Variants in HEMK2 observed in about 807,000 individuals in gnomAD.
The protein encoded by HEMK2 is methyltransferase HEMK2.
chr21:28,628,343 C>T, the HEMK2 span, among the ~76,000 whole-genome samples: 2 of 152,088 alleles, frequency 1.3e-5, no homozygotes, highest in Non-Finnish European at 2.9e-5. Flanking sequence ...TTGATCTTTG[C>T]AACCACTATG....
the HEMK2 span, among the ~76,000 whole-genome samples, chr21:28,811,305 A>G: frequency 9.7e-5 from 13 of 134,702 alleles, no homozygotes; most frequent in East Asian, 5.1e-4. Context: ...AAGGGAAGGG[A>G]AGGGGAGGGG....
chr21:28,753,273 C>T, the HEMK2 span, among the ~76,000 whole-genome samples: 2 of 151,640 alleles, frequency 1.3e-5, no homozygotes, highest in South Asian at 4.2e-4. Flanking sequence ...AGGAGAATCG[C>T]TCAAACCCAG....
the HEMK2 span, among the ~76,000 whole-genome samples, chr21:28,612,035 A>G: frequency 6.6e-6 from 1 of 152,222 alleles, no homozygotes; most frequent in Admixed American, 6.5e-5. Context: ...CACTATTCCA[A>G]AAGATAGTGA....
the HEMK2 span, among the ~76,000 whole-genome samples, chr21:28,702,973 A>C: frequency 6.6e-6 from 1 of 152,180 alleles, no homozygotes; most frequent in African/African-American, 2.4e-5. Context: ...GGAATACTAC[A>C]CAGCCATAAA....
At chr21:28,737,471 T>C in the HEMK2 span, among the ~76,000 whole-genome samples, 1 of 152,170 alleles carries the variant, frequency 6.6e-6, no homozygotes, top group African/African-American at 2.4e-5. Flanking sequence ...TTTGAGGCTT[T>C]AGAGGCAGAG....
chr21:28,647,553 C>T, the HEMK2 span, among the ~76,000 whole-genome samples: 52 of 150,162 alleles, frequency 3.5e-4, no homozygotes, highest in African/African-American at 1.2e-3. Flanking sequence ...TGGGGGAATT[C>T]TGAGGGGCCA....
At chr21:28,783,833 CG>C in the HEMK2 span, among the ~76,000 whole-genome samples, 1 of 152,186 alleles carries the variant, frequency 6.6e-6, no homozygotes, top group Non-Finnish European at 1.5e-5. Context: ...ATGGGCTTGG[CG>C]GGCCCTGCAC....
At chr21:28,848,674 GATAAAACT>G in the HEMK2 span, among the ~76,000 whole-genome samples, 2 of 151,440 alleles carry the variant, frequency 1.3e-5, no homozygotes, top group Admixed American at 1.3e-4. Flanking sequence ...GGCATCTATT[GATAAAACT>G]ATAGTTTTCC....
the HEMK2 span, among the ~76,000 whole-genome samples, chr21:28,583,369 A>G: frequency 6.6e-6 from 1 of 152,176 alleles, no homozygotes; most frequent in Admixed American, 6.5e-5. Flanking sequence ...GCAAAATGGC[A>G]AGACCCAAGC....
chr21:28,654,767 T>G, the HEMK2 span, among the ~76,000 whole-genome samples: 27,744 of 151,988 alleles, frequency 0.18, 2,740 homozygotes, highest in East Asian at 0.38. Flanking sequence ...GTTCTGCACA[T>G]TAGGTTAATA....
the HEMK2 span, among the ~76,000 whole-genome samples, chr21:28,825,898 AT>A: frequency 6.6e-5 from 10 of 152,318 alleles, no homozygotes; most frequent in African/African-American, 1.9e-4. Context: ...ATCCACCTAC[AT>A]CTCTGGGTCA....
chr21:28,807,644 T>C, the HEMK2 span, among the ~76,000 whole-genome samples: 1 of 152,164 alleles, frequency 6.6e-6, no homozygotes, highest in Non-Finnish European at 1.5e-5. Context: ...ATGGTTCTTT[T>C]TGGCAGAGAG....
chr21:28,650,839 C>T, the HEMK2 span, among the ~76,000 whole-genome samples: 1 of 152,108 alleles, frequency 6.6e-6, no homozygotes, highest in South Asian at 2.1e-4. Context: ...CTTGAGGAAA[C>T]AGACAGCTGA....
At chr21:28,870,880 G>A in the HEMK2 span, among the ~76,000 whole-genome samples, 1 of 152,158 alleles carries the variant, frequency 6.6e-6, no homozygotes, top group African/African-American at 2.4e-5. Context: ...GGTCTAATAC[G>A]TAATTATGTT....
At chr21:28,825,277 A>G in the HEMK2 span, among the ~76,000 whole-genome samples, 1 of 152,198 alleles carries the variant, frequency 6.6e-6, no homozygotes, top group South Asian at 2.1e-4. Flanking sequence ...CTGATTCAGT[A>G]GGTCTGGAGA....
At chr21:28,794,834 T>A in the HEMK2 span, among the ~76,000 whole-genome samples, 1 of 152,156 alleles carries the variant, frequency 6.6e-6, no homozygotes, top group Non-Finnish European at 1.5e-5. Flanking sequence ...CTATGTAACA[T>A]GAGACTCAAG....
chr21:28,622,087 G>T, the HEMK2 span, among the ~76,000 whole-genome samples: 2 of 151,748 alleles, frequency 1.3e-5, no homozygotes, highest in South Asian at 2.1e-4. Flanking sequence ...CGTGAGATGG[G>T]TCAGCCCAAA....
At chr21:28,843,505 A>C in the HEMK2 span, among the ~76,000 whole-genome samples, 1 of 152,170 alleles carries the variant, frequency 6.6e-6, no homozygotes, top group African/African-American at 2.4e-5. Flanking sequence ...CACATGTGCA[A>C]TTCAAACTTA....
At chr21:28,722,998 G>C in the HEMK2 span, among the ~76,000 whole-genome samples, 8 of 150,984 alleles carry the variant, frequency 5.3e-5, 1 homozygote, top group Admixed American at 4.0e-4. Flanking sequence ...AGGCCTTGTA[G>C]ATTTCTTTTA....
Sources: gnomAD v4.1 joint callset for allele counts (sites outside exome capture counted in the v4.1 genomes callset) on GRCh38, gnomAD v4.1.1 for gene constraint, MANE v1.5 for transcripts, NCBI Gene and HGNC (gene_info 2026-07-23, HGNC 2026-07-21) for gene names.